The following ARHGEF7 variants were observed in gnomAD, a reference collection of about 807,000 sequenced individuals.
ARHGEF7 encodes the protein PAK-interacting exchange factor beta.
Under a neutral mutation model 109.8 loss-of-function variants are expected in ARHGEF7, and 33 were observed. The observed-to-expected ratio is 0.30, with a 90% confidence interval of 0.23 to 0.40. The LOEUF is 0.40. Ranked by LOEUF, ARHGEF7 falls within the 10% of genes least tolerant of loss-of-function variation. ARHGEF7 has a pLI of 1.00. For synonymous variants in ARHGEF7, 458 were observed against 424.6 expected (o/e 1.08, Z -0.97); for missense variants, 938 against 1,098.5 (o/e 0.85, Z 2.07).
chr13:111,138,066 C>A (rs1424335653), intron 1 of ARHGEF7, among the ~76,000 whole-genome samples: 1 of 152,158 alleles, frequency 6.6e-6, no homozygotes, highest in Non-Finnish European at 1.5e-5. Flanking sequence ...GTAATCCCAG[C>A]ACTTTGAGAG....
At chr13:111,194,432 T>C (rs770585898) in intron 2 of ARHGEF7, among the ~76,000 whole-genome samples, 2 of 152,110 alleles carry the variant, frequency 1.3e-5, no homozygotes, top group Non-Finnish European at 2.9e-5. Context: ...ACCCAGTGAT[T>C]CCAAGGAACC....
At chr13:111,259,192 G>C (rs1236173288) in intron 8 of ARHGEF7, among the ~76,000 whole-genome samples, 1 of 152,188 alleles carries the variant, frequency 6.6e-6, no homozygotes, top group African/African-American at 2.4e-5. Context: ...TGCCCATCTG[G>C]CTTTGCCACC....
Position 111,259,000 on chromosome 13 carries a change from G to A in ARHGEF7, c.951-8548G>A, listed in dbSNP as rs977661304. On this transcript the variant is annotated intron_variant, in intron 8 of 21. Transcript: ENST00000646102. The surrounding 1 kb of genome is among the most constrained non-coding windows in gnomAD (Gnocchi z 4.4). Reference sequence around the variant, plus strand: ...AGAGGTTTCCTGCTTATGGAAAAGGGGAGTGAAGAGTGGGAAGGACTTTTT... The same window carrying A: ...AGAGGTTTCCTGCTTATGGAAAAGGAGAGTGAAGAGTGGGAAGGACTTTTT... Among the ~76,000 whole-genome samples, 3 of 152,160 alleles carry A rather than the reference G, an allele frequency of 2.0e-5. No individual in the cohort carries two copies. The highest frequency in any genetic ancestry group is 1.5e-5 in the Non-Finnish European group (1 of 68,026).
chr13:111,184,775 G>A (rs557550667), intron 2 of ARHGEF7, among the ~76,000 whole-genome samples: 73 of 152,330 alleles, frequency 4.8e-4, no homozygotes, highest in Non-Finnish European at 8.8e-4. Flanking sequence ...GCATCAGAGC[G>A]GAGGGGACTG....
At chr13:111,120,509 GCACA>G in intron 1 of ARHGEF7, among the ~76,000 whole-genome samples, 1 of 116,118 alleles carries the variant, frequency 8.6e-6, no homozygotes, top group Middle Eastern at 4.7e-3. Context: ...ACATAGACAC[GCACA>G]CACGCACACA....
chr13:111,283,174 C>G lies in ARHGEF7; in HGVS notation c.1761C>G (p.His587Gln). Residue 587 changes from histidine (H) to glutamine (Q), a missense_variant, in exon 16 of 22, where the codon CAC becomes CAG. By Grantham distance (24) the His-to-Gln change is conservative. Around this residue, in one of 4 missense-constraint regions of ARHGEF7, gnomAD observed 585 missense variants for 723.6 expected, o/e 0.81. Transcript: ENST00000646102. ...ACCCGGTCACTCCGTCCAGCAAGCA[C>G]GCAGACAGCAAGCCCGCGCCGCTGA... Reference protein sequence around the residue: ...PSHPVTPSSKHADSKPAPLTP... With the variant: ...PSHPVTPSSKQADSKPAPLTP... 1 of 1,596,408 alleles carries G rather than the reference C, an allele frequency of 6.3e-7. No individual in the cohort carries two copies.
intron 2 of ARHGEF7, among the ~76,000 whole-genome samples, chr13:111,180,338 T>C (rs767046622): frequency 7.2e-5 from 11 of 152,208 alleles, no homozygotes; most frequent in Non-Finnish European, 1.2e-4. Context: ...ACTGAAGCCA[T>C]GAACTGAATT....
chr13:111,283,493 G>T (rs76560515), intron 16 of ARHGEF7, 130 bp downstream of exon 16: 326 of 1,399,028 alleles, frequency 2.3e-4, no homozygotes, highest in African/African-American at 7.0e-4. Flanking sequence ...AGAAGGGGGG[G>T]TCTGCCTTGG....
intron 2 of ARHGEF7, among the ~76,000 whole-genome samples, chr13:111,188,196 G>A (rs1290500756): frequency 6.6e-6 from 1 of 152,204 alleles, no homozygotes; most frequent in African/African-American, 2.4e-5. Flanking sequence ...ACGCTGTGGA[G>A]CTGTCTTGGT....
chr13:111,126,444 C>T (rs879309952), intron 1 of ARHGEF7, among the ~76,000 whole-genome samples: 56 of 150,776 alleles, frequency 3.7e-4, no homozygotes, highest in East Asian at 9.8e-4. Context: ...GAGCCGAGAT[C>T]GTGCCACTGC....
In ARHGEF7 at chr13:111,131,132, G is replaced by A. The variant is rs2074723859; in HGVS notation, c.165+15441G>A. Among the ~76,000 whole-genome samples, 1 of 152,206 alleles carries A rather than the reference G, an allele frequency of 6.6e-6. No individual in the cohort carries two copies. Among genetic ancestry groups the A allele is most frequent in the African/African-American group, 2.4e-5 (1 of 41,454 alleles). ...ATAGCGTGGAGAACAGATGAAATGA[G>A]CCCAGGATGGAGGATGTGAAGATGG... On this transcript the variant is annotated intron_variant, in intron 1 of 21. Coordinates refer to ENST00000646102, the MANE Select transcript of ARHGEF7 (RefSeq NM_001354046.2). This position sits in a 1 kb window ranked among gnomAD's most constrained non-coding sequence, Gnocchi z 4.4.
At chr13:111,274,199 T>C (rs2092346677) in intron 10 of ARHGEF7, among the ~76,000 whole-genome samples, 1 of 152,204 alleles carries the variant, frequency 6.6e-6, no homozygotes, top group Non-Finnish European at 1.5e-5. Context: ...ACATGAGAAC[T>C]GATTTTCAGA....
At chr13:111,256,230 A>G (rs1021339577) in intron 8 of ARHGEF7, among the ~76,000 whole-genome samples, 1 of 152,208 alleles carries the variant, frequency 6.6e-6, no homozygotes, top group African/African-American at 2.4e-5. Flanking sequence ...TTGGAAGGCG[A>G]TGGAGAAATA....
rs547003090 is a variant in ARHGEF7, at chr13:111,299,990, T to G, written c.2312-758T>G. Reference sequence around the variant, plus strand: ...GTACCATATAATCTTCAAGAAAATATTTTCTTTAAGAAAAGATTTTCTCCC... The same window carrying G: ...GTACCATATAATCTTCAAGAAAATAGTTTCTTTAAGAAAAGATTTTCTCCC... On this transcript the variant is annotated intron_variant, in intron 19 of 21. Coordinates refer to ENST00000646102, the MANE Select transcript of ARHGEF7 (RefSeq NM_001354046.2). Among the ~76,000 whole-genome samples, 3 of 152,358 alleles carry G rather than the reference T, an allele frequency of 2.0e-5. No homozygotes were observed. The East Asian group carries it at 5.8e-4, about 29-fold the overall frequency.
chr13:111,287,131 G>A (rs958308390), intron 17 of ARHGEF7, among the ~76,000 whole-genome samples: 4 of 152,198 alleles, frequency 2.6e-5, no homozygotes, highest in African/African-American at 9.7e-5. Context: ...GTGCTGGGGT[G>A]TTCATTCTTT....
intron 15 of ARHGEF7, 170 bp from the exon 16 acceptor site, chr13:111,282,969 G>A: frequency 1.1e-6 from 1 of 952,008 alleles, no homozygotes; most frequent in South Asian, 1.7e-5. Context: ...CTAGTGTTTG[G>A]CCCCAAAAAC....
At chr13:111,126,599 A>G (rs571066993) in intron 1 of ARHGEF7, among the ~76,000 whole-genome samples, 1 of 152,336 alleles carries the variant, frequency 6.6e-6, no homozygotes, top group South Asian at 2.1e-4. Context: ...TTTCCATGAT[A>G]AGAGACTAGA....
chr13:111,228,518 G>C lies in ARHGEF7; in HGVS notation c.671-4687G>C, dbSNP rs2085534119. 6.6e-6 allele frequency among the ~76,000 whole-genome samples: 1 copy of C among 152,208 alleles called. No homozygotes were observed. Among genetic ancestry groups the C allele is most frequent in the Admixed American group, 6.5e-5 (1 of 15,282 alleles). On this transcript the variant is annotated intron_variant, in intron 5 of 21. Transcript: ENST00000646102. This position sits in a 1 kb window ranked among gnomAD's most constrained non-coding sequence, Gnocchi z 4.6. ...CTGAGGACTGCTAACACTGTTAAGA[G>C]TCTATACGTGGTCATTCTCTGTATG...
At chr13:111,182,128 G>C (rs1047123656) in intron 2 of ARHGEF7, 1 of 152,178 alleles carries the variant, frequency 6.6e-6, no homozygotes, top group African/African-American at 2.4e-5. Flanking sequence ...AGGAGGGTGA[G>C]AACACCGCCG....
Sources: allele counts gnomAD v4.1 joint callset (sites outside exome capture counted in the v4.1 genomes callset), GRCh38; gene constraint gnomAD v4.1.1; regional missense constraint gnomAD v4.1.1; non-coding constraint Gnocchi (gnomAD v3.1); transcripts MANE v1.5; gene names NCBI Gene and HGNC (gene_info 2026-07-23, HGNC 2026-07-21).